SLC35E2B: variants seen among roughly 807,000 people sequenced by gnomAD.
SLC35E2B encodes solute carrier family 35, member E2B.
Under a neutral mutation model 32.4 loss-of-function variants are expected in SLC35E2B, and 18 were observed. The ratio of observed to expected loss-of-function variants is 0.56; its 90% CI spans 0.38 to 0.82. The LOEUF (loss-of-function observed/expected upper bound fraction) is 0.82, where lower values mean the gene tolerates loss of function less well. Ranked by LOEUF, SLC35E2B falls within the 40% of genes least tolerant of loss-of-function variation. SLC35E2B has a pLI of 0.00. For missense variants in SLC35E2B, 263 were observed against 469.5 expected (o/e 0.56, Z 4.06); for synonymous variants, 132 against 209.1 (o/e 0.63, Z 3.18).
rs2101084100 is a variant in SLC35E2B, at chr1:1,662,216, A to C, written c.*3566T>G. ...CATTCTATAAAGTAAGGCCCCCAGC[A>C]GGGCACGTACATACATTGGGAAAGA... On this transcript the variant is annotated 3_prime_UTR_variant, in exon 10 of 10. Transcript: ENST00000617444. 1 of 984,406 alleles carries C rather than the reference A, an allele frequency of 1.0e-6. No individual in the cohort carries two copies. Among genetic ancestry groups the C allele is most frequent in the South Asian group, 4.7e-5 (1 of 21,258 alleles). 61.0% of individuals were successfully genotyped at this position (984,406 alleles called of 1,614,324 possible).
At chr1:1,685,964 T>G (rs1643945087) in intron 2 of SLC35E2B, among the ~76,000 whole-genome samples, 1 of 151,890 alleles carries the variant, frequency 6.6e-6, no homozygotes, top group East Asian at 1.9e-4. Flanking sequence ...CCTGAGTAGC[T>G]GGGATTACAG....
intron 2 of SLC35E2B, among the ~76,000 whole-genome samples, chr1:1,687,810 G>A (rs7527152): frequency 0.022 from 3,296 of 151,342 alleles, 136 homozygotes; most frequent in African/African-American, 0.076. Context: ...CATGAGAATC[G>A]CTTGAACCCG....
At position 1,668,370 on chromosome 1, in the gene SLC35E2B, T is replaced by C. The variant is rs1286785714; in HGVS notation, c.937A>G (p.Thr313Ala). ...ATTTTCCCCATGAGGGCGTACGCCG[T>C]GACGCTCTGAAGGTGGAACAGGACT... Reference protein sequence around the residue: ...DGVLFHLQSVTAYALMGKISP... With the variant: ...DGVLFHLQSVAAYALMGKISP... Residue 313 changes from threonine to alanine, a missense_variant, in exon 9 of 10, where the codon ACG becomes GCG. Thr to Ala is a moderately conservative substitution (Grantham distance 58). Around this residue, in one of 7 missense-constraint regions of SLC35E2B, gnomAD observed 38 missense variants for 56.9 expected, o/e 0.67. Coordinates refer to ENST00000617444, the MANE Select transcript of SLC35E2B (RefSeq NM_001290264.2). 1.2e-6 allele frequency: 2 copies of C among 1,612,208 alleles called. No individual in the cohort carries two copies. Among genetic ancestry groups the C allele is most frequent in the Admixed American group, 3.3e-5 (2 of 59,728 alleles).
chr1:1,685,159 T>G (rs1019966509), intron 2 of SLC35E2B, among the ~76,000 whole-genome samples: 1 of 150,498 alleles, frequency 6.6e-6, no homozygotes, highest in Admixed American at 6.6e-5. Flanking sequence ...TGTTGGTTCA[T>G]GCTTGTAATC....
chr1:1,666,446 C>T lies in SLC35E2B; in HGVS notation c.981-427G>A, dbSNP rs139642657. On this transcript the variant is annotated intron_variant, in intron 9 of 9. Coordinates refer to ENST00000617444, the MANE Select transcript of SLC35E2B (RefSeq NM_001290264.2). ...TCACTATGTAGCCCAGGCTGGTCTT[C>T]AAATCCTGGGCTCAAGTGATCTTCC... Among the ~76,000 whole-genome samples, 1,187 of 152,280 alleles carry T rather than the reference C, an allele frequency of 7.8e-3. 11 individuals are homozygous for T. Among genetic ancestry groups the T allele is most frequent in the South Asian group, 0.045 (219 of 4,826 alleles).
At chr1:1,675,158 G>C (rs1344194388) in intron 5 of SLC35E2B, among the ~76,000 whole-genome samples, 1 of 148,814 alleles carries the variant, frequency 6.7e-6, no homozygotes, top group Non-Finnish European at 1.5e-5. Context: ...TCAGTGATTG[G>C]CACCTGCAGT....
intron 5 of SLC35E2B, chr1:1,672,221 G>C (rs890518197): frequency 7.2e-5 from 11 of 152,468 alleles, no homozygotes; most frequent in Admixed American, 2.0e-4. Context: ...AAATTAGCTG[G>C]GTGTGTGTCC....
rs1644012671 is a variant in SLC35E2B at position 1,691,231 on chromosome 1, A to G, written c.-403T>C. On this transcript the variant is annotated 5_prime_UTR_variant, in exon 2 of 10. Transcript: ENST00000617444. Reference sequence around the variant, plus strand: ...CCACCAGTTTCTTGCCAGCTTCTCCACAGGACGCCCCACAGCCTGACAGGA... The same window carrying G: ...CCACCAGTTTCTTGCCAGCTTCTCCGCAGGACGCCCCACAGCCTGACAGGA... The G allele has an allele frequency of 7.2e-6, 1 of 139,562 alleles. No homozygotes were observed. The highest frequency in any genetic ancestry group is 2.4e-4 in the South Asian group (1 of 4,172). 8.6% of individuals were successfully genotyped at this position (139,562 alleles called of 1,614,324 possible). A position where few individuals can be genotyped will look rare whatever the true frequency, so the allele number is the denominator to read the frequency against.
chr1:1,673,352 G>A lies in SLC35E2B; in HGVS notation c.587-1723C>T, dbSNP rs180685417. ...GGGAGCTGAATATTACAGCAGTGAG[G>A]GAAACTGAAGTTGGTGGTGGTGAGA... On this transcript the variant is annotated intron_variant, in intron 5 of 9. Coordinates refer to ENST00000617444, the MANE Select transcript of SLC35E2B (RefSeq NM_001290264.2). 2.2e-3 allele frequency: 1,046 copies of A among 466,008 alleles called. 6 individuals are homozygous for A. Among genetic ancestry groups the A allele is most frequent in the Non-Finnish European group, 2.9e-3 (676 of 231,448 alleles). The allele number at this position is 466,008 out of a possible 1,614,324, so 28.9% of individuals were successfully genotyped here. A position where few individuals can be genotyped will look rare whatever the true frequency, so the allele number is the denominator to read the frequency against.
In SLC35E2B at chr1:1,662,413, C is replaced by G; in HGVS notation, c.*3369G>C. ...TGTTGGCCTGTTATTCCCACTGACCCGTCTGAGTGATCACCCAGGAGCGCG... is the reference window on the plus strand; with the variant it reads ...TGTTGGCCTGTTATTCCCACTGACCGGTCTGAGTGATCACCCAGGAGCGCG... On this transcript the variant is annotated 3_prime_UTR_variant, in exon 10 of 10. Coordinates refer to ENST00000617444, the MANE Select transcript of SLC35E2B (RefSeq NM_001290264.2). 2.3e-6 allele frequency: 2 copies of G among 877,678 alleles called. No homozygotes were observed. Among genetic ancestry groups the G allele is most frequent in the Non-Finnish European group, 2.7e-6 (2 of 741,552 alleles). 54.4% of individuals were successfully genotyped at this position (877,678 alleles called of 1,614,324 possible). A position where few individuals can be genotyped will look rare whatever the true frequency, so the allele number is the denominator to read the frequency against.
intron 9 of SLC35E2B, among the ~76,000 whole-genome samples, chr1:1,666,747 T>C (rs1412541972): frequency 6.8e-6 from 1 of 146,434 alleles, no homozygotes; most frequent in East Asian, 2.0e-4. Flanking sequence ...AGGCTGGGCG[T>C]GGGGGCTCAT....
At chr1:1,671,797 G>T (rs11523819) in intron 5 of SLC35E2B, among the ~76,000 whole-genome samples, 168 bp from the exon 6 acceptor site, 2 of 152,066 alleles carry the variant, frequency 1.3e-5, no homozygotes, top group Non-Finnish European at 2.9e-5. Context: ...ATCAAAGTCC[G>T]TGTCTGCAAA....
At chr1:1,685,414 GAAAAAA>G (rs571091862) in intron 2 of SLC35E2B, among the ~76,000 whole-genome samples, 29 of 102,812 alleles carry the variant, frequency 2.8e-4, no homozygotes, top group Middle Eastern at 4.9e-3. Context: ...CGTTTTCTCA[GAAAAAA>G]AAAAAAAAAA....
At chr1:1,668,015 G>C (rs1390844045) in intron 9 of SLC35E2B, among the ~76,000 whole-genome samples, 1 of 151,826 alleles carries the variant, frequency 6.6e-6, no homozygotes, top group Non-Finnish European at 1.5e-5. Flanking sequence ...ATCACACCCG[G>C]CTAATTTTTG....
chr1:1,668,263 G>C, intron 9 of SLC35E2B, 64 bp downstream of exon 9: 2 of 1,520,890 alleles, frequency 1.3e-6, no homozygotes, highest in East Asian at 2.3e-5. Flanking sequence ...AAAATACCTA[G>C]ATTTCTGGTC....
intron 9 of SLC35E2B, among the ~76,000 whole-genome samples, 172 bp downstream of exon 9, chr1:1,668,155 C>T (rs983450342): frequency 2.0e-5 from 3 of 151,974 alleles, no homozygotes; most frequent in Admixed American, 6.6e-5. Context: ...CCCGGCCTAT[C>T]GTTTGCATTT....
rs750024367 is a variant in SLC35E2B at position 1,665,977 on chromosome 1, G to A, written c.1023C>T (p.Ser341=). ...TGATCTTGTTGCCGAAAACGATTAC[G>A]CTGAGCCAGATGGACAAGGCATGTT... The part of the protein sequence containing the change: ...TVKHALSIWL[S]VIVFGNKITS... Residue 341 remains serine (S), a synonymous_variant, in exon 10 of 10, where the codon AGC becomes AGT. Coordinates refer to ENST00000617444, the MANE Select transcript of SLC35E2B (RefSeq NM_001290264.2). 3.0e-5 allele frequency: 47 copies of A among 1,551,434 alleles called. No individual in the cohort carries two copies. The highest frequency in any genetic ancestry group is 3.7e-5 in the Non-Finnish European group (42 of 1,146,990).
In SLC35E2B at chr1:1,665,489, G is replaced by A. The variant is rs1001833018; in HGVS notation, c.*293C>T. On this transcript the variant is annotated 3_prime_UTR_variant, in exon 10 of 10. Transcript: ENST00000617444. ...TGGACCCTGGGGTGTCGCCCAGAGA[G>A]GAAGTGGGCACCCCCAGCATGGGAG... 1.4e-5 allele frequency: 8 copies of A among 557,994 alleles called. No homozygotes were observed. Among genetic ancestry groups the A allele is most frequent in the Non-Finnish European group, 2.5e-5 (8 of 318,956 alleles). 34.6% of individuals were successfully genotyped at this position (557,994 alleles called of 1,614,324 possible).
rs765253264 is a variant in SLC35E2B, at chr1:1,665,909, A to AC, written c.1090dup (p.Val364GlyfsTer55). ...TTGCCTGGCTTTGTTGTAGAGCAGGACCCCAACGGTCACCAGGGCTGTGCC... is the reference window on the plus strand; with the variant it reads ...TTGCCTGGCTTTGTTGTAGAGCAGGACCCCCAACGGTCACCAGGGCTGTGCC... On this transcript the variant is annotated frameshift_variant, in exon 10 of 10. Coordinates refer to ENST00000617444, the MANE Select transcript of SLC35E2B (RefSeq NM_001290264.2). LOFTEE classifies it high-confidence loss of function. 6.4e-7 allele frequency: 1 copy of AC among 1,550,844 alleles called. No homozygotes were observed. Among genetic ancestry groups the AC allele is most frequent in the African/African-American group, 1.4e-5 (1 of 73,004 alleles).
Sources: allele counts gnomAD v4.1 joint callset (sites outside exome capture counted in the v4.1 genomes callset), GRCh38; gene constraint gnomAD v4.1.1; regional missense constraint gnomAD v4.1.1; transcripts MANE v1.5; gene names NCBI Gene and HGNC (gene_info 2026-07-23, HGNC 2026-07-21).